The following LIG3 variants were observed in gnomAD, a reference collection of about 807,000 sequenced individuals.
LIG3 encodes the protein ligase II, DNA, ATP-dependent.
LIG3 carries 58 observed loss-of-function variants against 110.9 expected under a neutral mutation model. That is an observed-to-expected ratio of 0.52 (90% CI 0.42 to 0.65). The LOEUF is 0.65. Among genes scored for constraint, LIG3 ranks in the 30% least tolerant of loss-of-function variants. The pLI, the probability that LIG3 is intolerant of heterozygous loss-of-function variation, is 0.00. For missense variants in LIG3, 1,094 were observed against 1,273.8 expected (o/e 0.86, Z 2.15); for synonymous variants, 422 against 472.8 (o/e 0.89, Z 1.39).
rs1311184216 is a variant in LIG3, at chr17:34,994,382, A to G, written c.1562A>G (p.Asp521Gly). The change falls in exon 9 of 20, where the codon GAC becomes GGC. Residue 521 changes from aspartate (D) to glycine (G), a missense_variant. By Grantham distance (94) the Asp-to-Gly change is moderately conservative. Coordinates refer to ENST00000378526, the MANE Select transcript of LIG3 (RefSeq NM_013975.4). ...GERVQVHKNG[D>G]HFSYFSRSLK... Reference sequence around the variant, plus strand: ...CGAGTCCAGGTGCATAAGAATGGAGACCACTTCAGCTACTTCAGCCGCAGT... The same window carrying G: ...CGAGTCCAGGTGCATAAGAATGGAGGCCACTTCAGCTACTTCAGCCGCAGT... 2 of 1,614,098 alleles carry G rather than the reference A, an allele frequency of 1.2e-6. No homozygotes were observed. Among genetic ancestry groups the G allele is most frequent in the Non-Finnish European group, 1.7e-6 (2 of 1,179,986 alleles).
chr17:35,003,350 G>A, intron 19 of LIG3: 1 of 378,020 alleles, frequency 2.6e-6, no homozygotes, highest in African/African-American at 2.0e-5. Context: ...CTAGGCTGGA[G>A]TGAAGTGGTG....
intron 3 of LIG3, among the ~76,000 whole-genome samples, 161 bp downstream of exon 3, chr17:34,986,292 G>A (rs3135966): frequency 0.09 from 13,733 of 152,024 alleles, 693 homozygotes; most frequent in South Asian, 0.14. Flanking sequence ...TAAGCCTTCC[G>A]CTTGGTTTTT....
chr17:34,983,015 G>C lies in LIG3; in HGVS notation c.10G>C (p.Ala4Pro). Residue 4 changes from alanine to proline, a missense_variant, in exon 2 of 20, where the codon GCT becomes CCT. Ala to Pro is a conservative substitution (Grantham distance 27). Coordinates refer to ENST00000378526, the MANE Select transcript of LIG3 (RefSeq NM_013975.4). ...TCTTTCGTACAGCTATATGTCTTTGGCTTTCAAGATCTTCTTTCCACAAAC... is the reference window on the plus strand; with the variant it reads ...TCTTTCGTACAGCTATATGTCTTTGCCTTTCAAGATCTTCTTTCCACAAAC... MSL[A>P]FKIFFPQTLR... 2 of 1,568,032 alleles carry C rather than the reference G, an allele frequency of 1.3e-6. No individual in the cohort carries two copies. The highest frequency in any genetic ancestry group is 1.7e-6 in the Non-Finnish European group (2 of 1,157,826).
At position 34,992,647 on chromosome 17, in the gene LIG3, T is replaced by G. The variant is rs1263427911; in HGVS notation, c.1410T>G (p.Ala470=). ...EVEKEPGQRR[A]LSVQASLMTP... ...AGAAGGAGCCGGGCCAGAGACGAGC[T>G]CTGAGCGTCCAGGCCTCGCTGATGA... The change falls in exon 8 of 20, where the codon GCT becomes GCG. Residue 470 remains alanine (A), a synonymous_variant. Transcript: ENST00000378526. 1.2e-6 allele frequency: 2 copies of G among 1,612,906 alleles called. No individual in the cohort carries two copies. The highest frequency in any genetic ancestry group is 2.2e-5 in the South Asian group (2 of 90,926).
At position 35,004,599 on chromosome 17, in the gene LIG3, G is replaced by A; in HGVS notation, c.*93G>A. On this transcript the variant is annotated 3_prime_UTR_variant, in exon 20 of 20. Coordinates refer to ENST00000378526, the MANE Select transcript of LIG3 (RefSeq NM_013975.4). The stretch of plus-strand genomic sequence containing the variant: ...GGAGGCAGATAGACACAGTATAGGG[G>A]GAATGGGCTTGCTTCTCCCAAACCC... The A allele has an allele frequency of 2.8e-6, 3 of 1,056,800 alleles. No homozygotes were observed. The highest frequency in any genetic ancestry group is 4.2e-6 in the Non-Finnish European group (3 of 708,216). The allele number at this position is 1,056,800 out of a possible 1,614,324, so 65.5% of individuals were successfully genotyped here. A position where few individuals can be genotyped will look rare whatever the true frequency, so the allele number is the denominator to read the frequency against.
rs1052853574 is a variant in LIG3 at position 35,007,296 on chromosome 17, G to GT, written c.*2796dup. On this transcript the variant is annotated 3_prime_UTR_variant, in exon 20 of 20. Coordinates refer to ENST00000378526, the MANE Select transcript of LIG3 (RefSeq NM_013975.4). ...TGTTATTGCCATTTCAATGTCAGTG[G>GT]TTTTTTATGTATTTTCTTCCAGTCT... The GT allele has an allele frequency of 2.4e-4, 36 of 152,344 alleles. No individual in the cohort carries two copies. The highest frequency in any genetic ancestry group is 7.2e-4 in the African/African-American group (30 of 41,546). 9.4% of individuals were successfully genotyped at this position (152,344 alleles called of 1,614,324 possible).
intron 2 of LIG3, among the ~76,000 whole-genome samples, chr17:34,983,964 C>T (rs1243893488): frequency 3.3e-5 from 5 of 152,372 alleles, no homozygotes; most frequent in Admixed American, 3.3e-4. Context: ...CATACATACA[C>T]ACGTGTGCGT....
chr17:34,983,260 CT>C lies in LIG3; in HGVS notation c.256del (p.Cys86ValfsTer28). On this transcript the variant is annotated frameshift_variant, in exon 2 of 20. Transcript: ENST00000378526. LOFTEE classifies it high-confidence loss of function. ...GLHVGLCSGP[C>X]EMAEQRFCVD... ...TGCATGTGGGACTCTGCAGTGGCCC[CT>C]GTGAGATGGCTGAGCAACGGTTCTG... 1 of 1,614,226 alleles carries C rather than the reference CT, an allele frequency of 6.2e-7. No individual in the cohort carries two copies. Among genetic ancestry groups the C allele is most frequent in the Non-Finnish European group, 8.5e-7 (1 of 1,180,048 alleles).
chr17:34,996,312 C>G, intron 10 of LIG3, 117 bp downstream of exon 10: 6 of 1,221,500 alleles, frequency 4.9e-6, no homozygotes, highest in South Asian at 3.0e-5. Context: ...CCTTATTCTT[C>G]GCTTCTGACC....
chr17:34,994,375 A>G lies in LIG3; in HGVS notation c.1555A>G (p.Asn519Asp), dbSNP rs763624496. Reference sequence around the variant, plus strand: ...TGGAGAGCGAGTCCAGGTGCATAAGAATGGAGACCACTTCAGCTACTTCAG... The same window carrying G: ...TGGAGAGCGAGTCCAGGTGCATAAGGATGGAGACCACTTCAGCTACTTCAG... ...YDGERVQVHKNGDHFSYFSRS... is the reference protein window; with the variant it reads ...YDGERVQVHKDGDHFSYFSRS... The change falls in exon 9 of 20, where the codon AAT (asparagine) becomes GAT (aspartate). Residue 519 changes from asparagine to aspartate, a missense_variant. By Grantham distance (23) the Asn-to-Asp change is conservative. Transcript: ENST00000378526. 6 of 1,613,996 alleles carry G rather than the reference A, an allele frequency of 3.7e-6. No homozygotes were observed. Among genetic ancestry groups the G allele is most frequent in the Non-Finnish European group, 5.1e-6 (6 of 1,179,996 alleles).
chr17:34,999,702 A>G, intron 15 of LIG3, 80 bp from the exon 16 acceptor site: 3 of 1,344,170 alleles, frequency 2.2e-6, no homozygotes, highest in Non-Finnish European at 3.2e-6. Context: ...GTGGCTTCTT[A>G]TAATCTCATT....
Position 35,005,667 on chromosome 17 carries a change from G to T in LIG3, c.*1161G>T. 1 of 565,720 alleles carries T rather than the reference G, an allele frequency of 1.8e-6. No individual in the cohort carries two copies. The highest frequency in any genetic ancestry group is 1.4e-5 in the South Asian group (1 of 72,768). 35.0% of individuals were successfully genotyped at this position (565,720 alleles called of 1,614,324 possible). A position where few individuals can be genotyped will look rare whatever the true frequency, so the allele number is the denominator to read the frequency against. On this transcript the variant is annotated 3_prime_UTR_variant, in exon 20 of 20. Transcript: ENST00000378526. ...TTTTTTTCTTCTATTCATTGGATTC[G>T]TCTGTGTCCTACTGAGTTTTTTCAT...
Position 34,983,275 on chromosome 17 carries a change from G to A in LIG3, c.270G>A (p.Glu90=), listed in dbSNP as rs1279321663. 1 of 1,614,234 alleles carries A rather than the reference G, an allele frequency of 6.2e-7. No homozygotes were observed. The highest frequency in any genetic ancestry group is 2.2e-5 in the East Asian group (1 of 44,894). Residue 90 remains glutamate (E), a synonymous_variant, in exon 2 of 20, where the codon GAG becomes GAA. Coordinates refer to ENST00000378526, the MANE Select transcript of LIG3 (RefSeq NM_013975.4). ...GLCSGPCEMA[E]QRFCVDYAKR... ...GCAGTGGCCCCTGTGAGATGGCTGA[G>A]CAACGGTTCTGTGTGGACTATGCCA... is the stretch of plus-strand genomic sequence containing the variant.
chr17:34,989,570 T>G lies in LIG3; in HGVS notation c.796T>G (p.Phe266Val). ...PRHKDCLLRE[F>V]RKLCAMVADN... ...GCATAAGGACTGTCTGCTACGGGAG[T>G]TTCGAAAGTTATGCGCCATGGTGGC... The change falls in exon 4 of 20, where the codon TTT becomes GTT. Residue 266 changes from phenylalanine to valine, a missense_variant. Transcript: ENST00000378526. 7.4e-6 allele frequency: 12 copies of G among 1,613,336 alleles called. No homozygotes were observed. The highest frequency in any genetic ancestry group is 9.3e-6 in the Non-Finnish European group (11 of 1,179,908).
intron 1 of LIG3, among the ~76,000 whole-genome samples, chr17:34,982,647 C>CAA (rs201908775): frequency 1.5e-4 from 12 of 79,678 alleles, no homozygotes; most frequent in African/African-American, 3.6e-4. Context: ...AACTCCGCCT[C>CAA]AAAAAAAAAA....
rs1303629442 is a variant in LIG3, at chr17:34,994,258, T to A, written c.1456-18T>A. 1 of 1,606,428 alleles carries A rather than the reference T, an allele frequency of 6.2e-7. No individual in the cohort carries two copies. Among genetic ancestry groups the A allele is most frequent in the South Asian group, 1.1e-5 (1 of 90,192 alleles). ...CCCCTCATTGAAAGTCTCCAGGCTT[T>A]GCTTTCCCCACCCCAAGGCGGAGGC... On this transcript the variant is annotated intron_variant, in intron 8 of 19. Coordinates refer to ENST00000378526, the MANE Select transcript of LIG3 (RefSeq NM_013975.4).
intron 15 of LIG3, 55 bp downstream of exon 15, chr17:34,999,504 C>T (rs1265005758): frequency 6.3e-7 from 1 of 1,584,996 alleles, no homozygotes; most frequent in Admixed American, 1.7e-5. Context: ...ATCACTGAGA[C>T]AGAGGCTGTG....
Position 34,983,292 on chromosome 17 carries a change from A to G in LIG3, c.287A>G (p.Asp96Gly). Residue 96 changes from aspartate to glycine, a missense_variant, in exon 2 of 20, where the codon GAC (aspartate) becomes GGC (glycine). Transcript: ENST00000378526. ...ATGGCTGAGCAACGGTTCTGTGTGGACTATGCCAAGCGTGGCACAGCTGGC... is the reference window on the plus strand; with the variant it reads ...ATGGCTGAGCAACGGTTCTGTGTGGGCTATGCCAAGCGTGGCACAGCTGGC... ...CEMAEQRFCV[D>G]YAKRGTAGCK... The G allele has an allele frequency of 6.2e-7, 1 of 1,614,178 alleles. No homozygotes were observed. The highest frequency in any genetic ancestry group is 8.5e-7 in the Non-Finnish European group (1 of 1,180,042).
At chr17:34,983,938 G>T (rs946049780) in intron 2 of LIG3, among the ~76,000 whole-genome samples, 1 of 152,180 alleles carries the variant, frequency 6.6e-6, no homozygotes, top group Non-Finnish European at 1.5e-5. Flanking sequence ...ATTTGTTCAT[G>T]TGCTGTCTCT....
Sources: allele counts gnomAD v4.1 joint callset (sites outside exome capture counted in the v4.1 genomes callset), GRCh38; gene constraint gnomAD v4.1.1; transcripts MANE v1.5; gene names NCBI Gene and HGNC (gene_info 2026-07-23, HGNC 2026-07-21).